Variants in GRIN3A observed in about 807,000 individuals in gnomAD.
GRIN3A encodes the protein glutamate receptor ionotropic, NMDA 3A.
GRIN3A carries 47 observed loss-of-function variants against 92.4 expected under a neutral mutation model. That is an observed-to-expected ratio of 0.51 (90% CI 0.40 to 0.65). The LOEUF (loss-of-function observed/expected upper bound fraction) is 0.65. Among genes scored for constraint, GRIN3A ranks in the 30% least tolerant of loss-of-function variants. GRIN3A has a pLI of 0.00. For synonymous variants in GRIN3A, 527 were observed against 540.6 expected (o/e 0.97, Z 0.35); for missense variants, 1,324 against 1,393.1 (o/e 0.95, Z 0.79).
rs193092001 is a variant in GRIN3A at position 101,586,994 on chromosome 9, T to G, written c.2767-7634A>C. Among the ~76,000 whole-genome samples, 500 of 152,294 alleles carry G rather than the reference T, an allele frequency of 3.3e-3. 4 individuals carry two copies. The highest frequency in any genetic ancestry group is 5.8e-3 in the Non-Finnish European group (394 of 68,016). On this transcript the variant is annotated intron_variant, in intron 6 of 8. Coordinates refer to ENST00000361820, the MANE Select transcript of GRIN3A (RefSeq NM_133445.3). ...ACATTGAGCTTTCCCGTTATTCTTT[T>G]GATAGGTTTTGCTTAAGTTTAAAAA... is the stretch of plus-strand genomic sequence containing the variant.
chr9:101,650,144 C>T (rs1321158898), intron 3 of GRIN3A, among the ~76,000 whole-genome samples: 1 of 152,040 alleles, frequency 6.6e-6, no homozygotes. Flanking sequence ...CTCCCAACAA[C>T]CATAGCATAT....
intron 6 of GRIN3A, among the ~76,000 whole-genome samples, chr9:101,584,405 T>G (rs534366977): frequency 6.6e-6 from 1 of 152,364 alleles, no homozygotes; most frequent in South Asian, 2.1e-4. Context: ...AGTTTGTATC[T>G]GATACTGTAC....
intron 1 of GRIN3A, among the ~76,000 whole-genome samples, chr9:101,736,072 G>T (rs1431638430): frequency 6.6e-6 from 1 of 152,154 alleles, no homozygotes; most frequent in Non-Finnish European, 1.5e-5. Context: ...ACTCATTTTA[G>T]TTTTTATCTC....
chr9:101,731,251 A>G (rs886755534), intron 1 of GRIN3A, among the ~76,000 whole-genome samples: 3 of 152,180 alleles, frequency 2.0e-5, no homozygotes, highest in Non-Finnish European at 4.4e-5. Flanking sequence ...GCTGACAAAT[A>G]GACGAAGTTA....
intron 3 of GRIN3A, among the ~76,000 whole-genome samples, chr9:101,632,757 C>G (rs908284861): frequency 2.0e-5 from 3 of 152,062 alleles, no homozygotes; most frequent in Non-Finnish European, 4.4e-5. Context: ...CCCAGTGGGC[C>G]AGGATGGTCT....
At chr9:101,614,819 G>A (rs557795103) in intron 5 of GRIN3A, among the ~76,000 whole-genome samples, 2 of 151,138 alleles carry the variant, frequency 1.3e-5, no homozygotes, top group East Asian at 1.9e-4. Flanking sequence ...GGGTCTCACC[G>A]TGTTGCCCAG....
At chr9:101,617,167 T>A (rs1225327416) in intron 5 of GRIN3A, among the ~76,000 whole-genome samples, 1 of 134,154 alleles carries the variant, frequency 7.5e-6, no homozygotes. Flanking sequence ...GCCACTGCAG[T>A]CCGCAGTCCG....
intron 3 of GRIN3A, among the ~76,000 whole-genome samples, chr9:101,657,841 G>A (rs899775408): frequency 1.3e-5 from 2 of 151,940 alleles, no homozygotes; most frequent in African/African-American, 4.8e-5. Flanking sequence ...GAGTAGTGAT[G>A]GTAATGGTGG....
chr9:101,573,807 C>T (rs1827793489), intron 8 of GRIN3A, among the ~76,000 whole-genome samples: 1 of 141,842 alleles, frequency 7.1e-6, no homozygotes, highest in Non-Finnish European at 1.5e-5. Context: ...TGCAAACAAC[C>T]TCAGGTGGCT....
intron 2 of GRIN3A, among the ~76,000 whole-genome samples, chr9:101,684,997 G>A (rs1354069805): frequency 6.6e-6 from 1 of 152,114 alleles, no homozygotes. Flanking sequence ...ATTAAATCTG[G>A]AGAGTGGCTA....
chr9:101,686,652 C>T lies in GRIN3A; in HGVS notation c.1248G>A (p.Thr416=), dbSNP rs200666108. Residue 416 remains threonine (T), a synonymous_variant, in exon 2 of 9, where the codon ACG becomes ACA. Coordinates refer to ENST00000361820, the MANE Select transcript of GRIN3A (RefSeq NM_133445.3). ...TAGTTTCCACCTCCATGCAGTTCAT[C>T]GTGCTGGGAATGAGAGCAAGTTCTG... The part of the protein sequence containing the change: ...IQPELALIPS[T]MNCMEVETTN... 1.2e-5 allele frequency: 19 copies of T among 1,614,142 alleles called. No individual in the cohort carries two copies. The highest frequency in any genetic ancestry group is 1.6e-4 in the Middle Eastern group (1 of 6,062).
intron 6 of GRIN3A, among the ~76,000 whole-genome samples, chr9:101,606,060 C>T (rs1220940190): frequency 3.3e-5 from 5 of 152,160 alleles, no homozygotes; most frequent in Non-Finnish European, 7.3e-5. Context: ...TTTAAGTGGA[C>T]TTGATTGTAC....
intron 1 of GRIN3A, among the ~76,000 whole-genome samples, chr9:101,722,904 T>G (rs142357235): frequency 6.6e-6 from 1 of 152,058 alleles, no homozygotes; most frequent in Non-Finnish European, 1.5e-5. Context: ...CTGAAATGAG[T>G]TAAGACTTTG....
chr9:101,671,921 C>A (rs1314753238), intron 2 of GRIN3A, among the ~76,000 whole-genome samples: 1 of 152,102 alleles, frequency 6.6e-6, no homozygotes, highest in Non-Finnish European at 1.5e-5. Context: ...AACTAGGGCA[C>A]TTACAGTATA....
chr9:101,737,677 G>T lies in GRIN3A; in HGVS notation c.303C>A (p.Thr101=). 6.3e-7 allele frequency: 1 copy of T among 1,583,678 alleles called. No individual in the cohort carries two copies. Among genetic ancestry groups the T allele is most frequent in the African/African-American group, 1.3e-5 (1 of 74,332 alleles). The change falls in exon 1 of 9, where the codon ACC becomes ACA. Residue 101 remains threonine, a synonymous_variant. Coordinates refer to ENST00000361820, the MANE Select transcript of GRIN3A (RefSeq NM_133445.3). ...AGCCCGGCGGCCCCCGGCCATGCAG[G>T]GTGCTCCCCAACCAGCGTGCGCCCG... The part of the protein sequence containing the change: ...PSPGARWLGS[T]LHGRGPPGSR...
In GRIN3A at chr9:101,686,817, A is replaced by G. The variant is rs1203599511; in HGVS notation, c.1083T>C (p.Asn361=). 1 of 1,614,166 alleles carries G rather than the reference A, an allele frequency of 6.2e-7. No individual in the cohort carries two copies. Among genetic ancestry groups the G allele is most frequent in the South Asian group, 1.1e-5 (1 of 91,086 alleles). The change falls in exon 2 of 9, where the codon AAT becomes AAC. Residue 361 remains asparagine, a synonymous_variant. Coordinates refer to ENST00000361820, the MANE Select transcript of GRIN3A (RefSeq NM_133445.3). Reference sequence around the variant, plus strand: ...GACCCTCTGTCCTCAGTTCCTCCACATTCTGGGAATCTCCCAGCACCCAAC... The same window carrying G: ...GACCCTCTGTCCTCAGTTCCTCCACGTTCTGGGAATCTCCCAGCACCCAAC... ...ELRWVLGDSQ[N]VEELRTEGLP...
At chr9:101,629,663 CAAT>C (rs991783989) in intron 3 of GRIN3A, among the ~76,000 whole-genome samples, 30 of 152,292 alleles carry the variant, frequency 2.0e-4, no homozygotes, top group Admixed American at 1.8e-3. Context: ...GCCACATCAA[CAAT>C]AATAACAATA....
chr9:101,587,731 C>T (rs781059851), intron 6 of GRIN3A, among the ~76,000 whole-genome samples: 5 of 151,968 alleles, frequency 3.3e-5, no homozygotes, highest in Admixed American at 6.6e-5. Context: ...CAGCCAAATG[C>T]GATGTTCAAG....
At chr9:101,629,494 A>G (rs182725576) in intron 3 of GRIN3A, among the ~76,000 whole-genome samples, 35 of 152,326 alleles carry the variant, frequency 2.3e-4, no homozygotes, top group Admixed American at 2.2e-3. Flanking sequence ...AAAGATAAAT[A>G]CCTGCAACCA....
Sources: gnomAD v4.1 joint callset for allele counts (sites outside exome capture counted in the v4.1 genomes callset) on GRCh38, gnomAD v4.1.1 for gene constraint, MANE v1.5 for transcripts, NCBI Gene and HGNC (gene_info 2026-07-23, HGNC 2026-07-21) for gene names.